The following CTRC variants were observed in gnomAD, a reference collection of about 807,000 sequenced individuals.
CTRC encodes the protein chymotrypsin C, also known as chymotrypsin-C.
CTRC carries 32 observed loss-of-function variants against 35.7 expected under a neutral mutation model. That is an observed-to-expected ratio of 0.90 (90% CI 0.68 to 1.20). The LOEUF (loss-of-function observed/expected upper bound fraction) is 1.20, where lower values mean the gene tolerates loss of function less well. Among genes scored for constraint, CTRC ranks in the 50% most tolerant of loss-of-function variants. The pLI is 0.00. For missense variants in CTRC, 324 were observed against 361.5 expected (o/e 0.90, Z 0.84); for synonymous variants, 119 against 149.5 (o/e 0.80, Z 1.49).
rs1041625362 is a variant in CTRC, at chr1:15,448,013, C to G, written c.*1424C>G. 1 of 152,174 alleles carries G rather than the reference C, an allele frequency of 6.6e-6. No individual in the cohort carries two copies. 9.4% of individuals were successfully genotyped at this position (152,174 alleles called of 1,614,324 possible). A position where few individuals can be genotyped will look rare whatever the true frequency, so the allele number is the denominator to read the frequency against. On this transcript the variant is annotated 3_prime_UTR_variant, in exon 8 of 8. Coordinates refer to ENST00000375949, the MANE Select transcript of CTRC (RefSeq NM_007272.3). ...GACCAGAAGCATAGAAACAGGACAC[C>G]TGAAGCAGTGTCAGTTGGCGGGAGG... is the stretch of plus-strand genomic sequence containing the variant.
intron 3 of CTRC, among the ~76,000 whole-genome samples, chr1:15,441,172 T>C (rs1182071414): frequency 6.6e-6 from 1 of 152,000 alleles, no homozygotes; most frequent in Admixed American, 6.6e-5. Context: ...AGAGTGAGAC[T>C]CTGTCTCAAA....
intron 3 of CTRC, among the ~76,000 whole-genome samples, chr1:15,441,707 T>A (rs55775038): frequency 1.3e-5 from 2 of 151,544 alleles, no homozygotes; most frequent in African/African-American, 2.4e-5. Flanking sequence ...TTTTTTTTTT[T>A]GGTAGAGACA....
chr1:15,444,089 C>CA (rs996385537), intron 5 of CTRC, among the ~76,000 whole-genome samples: 115 of 148,926 alleles, frequency 7.7e-4, no homozygotes, highest in African/African-American at 2.4e-3. Flanking sequence ...CCTGCCTCTA[C>CA]AAAAAAAAAA....
chr1:15,445,296 G>C (rs980933050), intron 6 of CTRC, among the ~76,000 whole-genome samples: 2 of 152,210 alleles, frequency 1.3e-5, no homozygotes, highest in East Asian at 1.9e-4. Context: ...AGCTCACAGA[G>C]TCTTAGATAA....
In CTRC at chr1:15,447,382, CA is replaced by C. The variant is rs2103294566; in HGVS notation, c.*795del. ...CTGGATATGCTTTCATTGCATTAGA[CA>C]AGTGGGGAAACTGAGGCCCAGAGAG... is the stretch of plus-strand genomic sequence containing the variant. On this transcript the variant is annotated 3_prime_UTR_variant, in exon 8 of 8. Transcript: ENST00000375949. 1 of 153,348 alleles carries C rather than the reference CA, an allele frequency of 6.5e-6. No individual in the cohort carries two copies. Among genetic ancestry groups the C allele is most frequent in the East Asian group, 1.9e-4 (1 of 5,208 alleles). The allele number at this position is 153,348 out of a possible 1,614,324, so 9.5% of individuals were successfully genotyped here. A position where few individuals can be genotyped will look rare whatever the true frequency, so the allele number is the denominator to read the frequency against.
Position 15,445,578 on chromosome 1 carries a change from C to A in CTRC, c.640-19C>A. 1 of 1,612,440 alleles carries A rather than the reference C, an allele frequency of 6.2e-7. No individual in the cohort carries two copies. Among genetic ancestry groups the A allele is most frequent in the Non-Finnish European group, 8.5e-7 (1 of 1,178,586 alleles). ...CTGGGGGGGGGCCTGGTGGCTTATG[C>A]CCTCCCGGTCTGGTGCAGGGGGACT... On this transcript the variant is annotated intron_variant, in intron 6 of 7. Transcript: ENST00000375949.
intron 4 of CTRC, among the ~76,000 whole-genome samples, chr1:15,442,833 C>T (rs1708156486): frequency 6.6e-6 from 1 of 152,144 alleles, no homozygotes; most frequent in African/African-American, 2.4e-5. Flanking sequence ...GCTGGGCCAG[C>T]GCTCACCTTT....
intron 3 of CTRC, among the ~76,000 whole-genome samples, chr1:15,440,832 C>T (rs909141325): frequency 6.6e-5 from 10 of 152,204 alleles, no homozygotes; most frequent in African/African-American, 1.7e-4. Flanking sequence ...GAAGACAGAG[C>T]GGCAGACAAT....
In CTRC at chr1:15,442,547, A is replaced by G. The variant is rs1460120830; in HGVS notation, c.331A>G (p.Lys111Glu). ...FVGVDTIHVH[K>E]RWNALLLRND... ...GGGTGTGGACACCATCCACGTCCAC[A>G]AGAGATGGAATGCCCTCCTGTTGCG... The change falls in exon 4 of 8, where the codon AAG (lysine) becomes GAG (glutamate). Residue 111 changes from lysine to glutamate, a missense_variant. Coordinates refer to ENST00000375949, the MANE Select transcript of CTRC (RefSeq NM_007272.3). 1.2e-6 allele frequency: 2 copies of G among 1,614,032 alleles called. No individual in the cohort carries two copies. Among genetic ancestry groups the G allele is most frequent in the Non-Finnish European group, 8.5e-7 (1 of 1,179,998 alleles).
chr1:15,442,443 C>A lies in CTRC; in HGVS notation c.231-4C>A, dbSNP rs750149362. 6 of 1,610,048 alleles carry A rather than the reference C, an allele frequency of 3.7e-6. No homozygotes were observed. Among genetic ancestry groups the A allele is most frequent in the Non-Finnish European group, 5.1e-6 (6 of 1,178,146 alleles). On this transcript the variant is annotated splice_region_variant and splice_polypyrimidine_tract_variant and intron_variant, in intron 3 of 7. Coordinates refer to ENST00000375949, the MANE Select transcript of CTRC (RefSeq NM_007272.3). ...CCCTGACCTGGACCCCTTCCTCTGC[C>A]CAGCAACACCCGGACCTACCGTGTG...
At chr1:15,444,813 G>C in intron 6 of CTRC, 62 bp downstream of exon 6, 7 of 1,608,420 alleles carry the variant, frequency 4.4e-6, no homozygotes, top group African/African-American at 2.7e-5. Context: ...GTGGGCAAAG[G>C]GGGGTGCGAT....
intron 6 of CTRC, 60 bp downstream of exon 6, chr1:15,444,811 AG>A: frequency 1.9e-6 from 3 of 1,609,186 alleles, no homozygotes; most frequent in South Asian, 2.2e-5. Flanking sequence ...ATGTGGGCAA[AG>A]GGGGGTGCGA....
intron 1 of CTRC, among the ~76,000 whole-genome samples, chr1:15,439,743 T>C (rs767149446): frequency 1.3e-5 from 2 of 152,098 alleles, no homozygotes; most frequent in Non-Finnish European, 2.9e-5. Flanking sequence ...TTTTGTTTTG[T>C]TTTGTTTTGT....
At chr1:15,445,818 T>A (rs1708209578) in intron 7 of CTRC, 69 bp downstream of exon 7, 2 of 1,543,074 alleles carry the variant, frequency 1.3e-6, no homozygotes, top group South Asian at 2.2e-5. Flanking sequence ...ATCCCCTCAC[T>A]CATTCACTCA....
At chr1:15,445,495 GCT>G in intron 6 of CTRC, 100 bp from the exon 7 acceptor site, 1 of 1,272,056 alleles carries the variant, frequency 7.9e-7, no homozygotes, top group Non-Finnish European at 1.1e-6. Context: ...ACTAACTAAG[GCT>G]GAGAAGCCAA....
rs1345560723 is a variant in CTRC, at chr1:15,445,595, A to C, written c.640-2A>C. On this transcript the variant is annotated splice_acceptor_variant, in intron 6 of 7. Coordinates refer to ENST00000375949, the MANE Select transcript of CTRC (RefSeq NM_007272.3). LOFTEE classifies it high-confidence loss of function. ...GGCTTATGCCCTCCCGGTCTGGTGC[A>C]GGGGGACTCCGGTGGCCCACTGAAC... 5 of 1,613,936 alleles carry C rather than the reference A, an allele frequency of 3.1e-6. No homozygotes were observed.
intron 6 of CTRC, 70 bp from the exon 7 acceptor site, chr1:15,445,527 C>T: frequency 5.8e-6 from 9 of 1,550,096 alleles, no homozygotes; most frequent in Non-Finnish European, 8.0e-6. Flanking sequence ...CCCACCCCAA[C>T]CCAGTCCTGC....
chr1:15,446,514 C>T, intron 7 of CTRC, 61 bp from the exon 8 acceptor site: 2 of 1,581,266 alleles, frequency 1.3e-6, no homozygotes, highest in Non-Finnish European at 1.7e-6. Context: ...GGGCAGAGCC[C>T]TGTGCCACCC....
intron 5 of CTRC, among the ~76,000 whole-genome samples, 183 bp from the exon 6 acceptor site, chr1:15,444,423 C>G (rs1164720367): frequency 6.6e-6 from 1 of 152,078 alleles, no homozygotes; most frequent in Non-Finnish European, 1.5e-5. Flanking sequence ...CTGCCGGCAG[C>G]CTGCTCCTGA....
Sources: allele counts gnomAD v4.1 joint callset (sites outside exome capture counted in the v4.1 genomes callset), GRCh38; gene constraint gnomAD v4.1.1; transcripts MANE v1.5; gene names NCBI Gene and HGNC (gene_info 2026-07-23, HGNC 2026-07-21).